FBXO15: variants seen among roughly 807,000 people sequenced by gnomAD.
FBXO15 encodes the protein F-box only protein 15.
A neutral mutation model predicts 49.5 loss-of-function variants in FBXO15; 30 were observed. That is an observed-to-expected ratio of 0.61 (90% confidence interval 0.45 to 0.82). The LOEUF is 0.82. FBXO15 is among the 40% of genes least tolerant of loss of function. The probability of loss-of-function intolerance (pLI) is 0.00; values close to 1 mark genes in which losing one functional copy is unlikely to be tolerated. For synonymous variants in FBXO15, 250 were observed against 232.7 expected, an observed-to-expected ratio of 1.07 and a Z score of -0.68; for missense variants, 591 against 631.5, an observed-to-expected ratio of 0.94 and a Z score of 0.69.
At chr18:74,097,101 AG>A (rs889014883) in intron 8 of FBXO15, 4 of 152,248 alleles carry the variant, frequency 2.6e-5, no homozygotes, top group African/African-American at 9.6e-5. Flanking sequence ...TGGATCCACA[AG>A]GAAGCCATTT....
chr18:74,144,751 G>A (rs888269515), intron 1 of FBXO15, among the ~76,000 whole-genome samples: 1 of 151,784 alleles, frequency 6.6e-6, no homozygotes, highest in Non-Finnish European at 1.5e-5. Context: ...TGCAGACAAA[G>A]AAGATGCTCT....
At chr18:74,115,794 T>C (rs1487713864) in intron 8 of FBXO15, among the ~76,000 whole-genome samples, 1 of 152,230 alleles carries the variant, frequency 6.6e-6, no homozygotes, top group Admixed American at 6.5e-5. Context: ...CTAAGATTTA[T>C]TAAAATATGA....
At chr18:74,121,199 T>G (rs978795283) in intron 8 of FBXO15, among the ~76,000 whole-genome samples, 1 of 152,148 alleles carries the variant, frequency 6.6e-6, no homozygotes, top group Admixed American at 6.6e-5. Context: ...TAAAGAAAGG[T>G]CCAGGCTTGG....
rs749880622 is a variant in FBXO15, at chr18:74,073,620, G to A, written c.1374C>T (p.Ser458=). 62 of 1,614,096 alleles carry A rather than the reference G, an allele frequency of 3.8e-5. No homozygotes were observed. In the Admixed American group the frequency reaches 1.0e-3, roughly 26 times the overall value. Residue 458 remains serine, a synonymous_variant, in exon 10 of 10, where the codon AGC becomes AGT. Coordinates refer to ENST00000419743, the MANE Select transcript of FBXO15 (RefSeq NM_001142958.2). ...RSPATPSDSS[S]FLGQTYNVDY... is the part of the protein sequence containing the mutation. ...CCACGTTGTATGTCTGTCCCAAGAAGCTAGAGCTGTCAGAGGGTGTGGCAG... is the reference window on the plus strand; with the variant it reads ...CCACGTTGTATGTCTGTCCCAAGAAACTAGAGCTGTCAGAGGGTGTGGCAG...
Position 74,075,173 on chromosome 18 carries a change from A to G in FBXO15, c.1264-1443T>C, listed in dbSNP as rs552925353. Among the ~76,000 whole-genome samples the G allele has an allele frequency of 2.6e-5, 4 of 151,882 alleles. No homozygotes were observed. Among genetic ancestry groups the G allele is most frequent in the Admixed American group, 2.6e-4 (4 of 15,252 alleles). On this transcript the variant is annotated intron_variant, in intron 9 of 9. Coordinates refer to ENST00000419743, the MANE Select transcript of FBXO15 (RefSeq NM_001142958.2). The surrounding 1 kb of genome is among the most constrained non-coding windows in gnomAD (Gnocchi z 4.1). Reference sequence around the variant, plus strand: ...CTCCCTCTCCGCCTCATGGAACAACACCTCATCCCCTCCCTCAGCCCTCTG... The same window carrying G: ...CTCCCTCTCCGCCTCATGGAACAACGCCTCATCCCCTCCCTCAGCCCTCTG...
At chr18:74,106,888 C>A (rs1033249082) in intron 8 of FBXO15, among the ~76,000 whole-genome samples, 1 of 151,924 alleles carries the variant, frequency 6.6e-6, no homozygotes, top group African/African-American at 2.4e-5. Flanking sequence ...AAAACCCAAA[C>A]AATGGAATAT....
chr18:74,118,929 T>TC lies in FBXO15; in HGVS notation c.1138+4438_1138+4439insG, dbSNP rs1474420523. ...CTTTAGAAGGGGAACTCTGATGCCC[T>TC]TCCTCTGGGTTGTAAGAGAAAAGGA... On this transcript the variant is annotated intron_variant, in intron 8 of 9. Coordinates refer to ENST00000419743, the MANE Select transcript of FBXO15 (RefSeq NM_001142958.2). 5.9e-5 allele frequency among the ~76,000 whole-genome samples: 9 copies of TC among 152,340 alleles called. No homozygotes were observed. The East Asian group carries it at 1.7e-3, about 29-fold the overall frequency.
intron 8 of FBXO15, among the ~76,000 whole-genome samples, chr18:74,089,804 CTA>C (rs1164410147): frequency 1.1e-4 from 16 of 152,186 alleles, no homozygotes; most frequent in African/African-American, 3.9e-4. Flanking sequence ...TGATGTGCTG[CTA>C]TATTCAGTTT....
chr18:74,140,233 A>T lies in FBXO15; in HGVS notation c.196T>A (p.Ser66Thr). 6.4e-7 allele frequency: 1 copy of T among 1,551,464 alleles called. No homozygotes were observed. Among genetic ancestry groups the T allele is most frequent in the Non-Finnish European group, 8.7e-7 (1 of 1,146,940 alleles). Residue 66 changes from serine (S) to threonine (T), a missense_variant, in exon 2 of 10, where the codon TCT (serine) becomes ACT (threonine). Transcript: ENST00000419743. ...HAGGGQHWES[S>T]FSCCSGFLDG... ...AGGAACCCAGAACAGCAGGAGAAAG[A>T]GCTCTCCCAGTGCTGTCCACCTCCG...
intron 2 of FBXO15, 72 bp from the exon 3 acceptor site, chr18:74,135,938 A>C (rs1978693033): frequency 1.6e-6 from 2 of 1,235,664 alleles, no homozygotes; most frequent in Non-Finnish European, 2.3e-6. Flanking sequence ...TACCCAGAAA[A>C]CAACTGGCTG....
chr18:74,082,050 T>A lies in FBXO15; in HGVS notation c.1140A>T (p.Gly380=), dbSNP rs973816120. The A allele has an allele frequency of 4.3e-6, 7 of 1,610,526 alleles. No individual in the cohort carries two copies. The highest frequency in any genetic ancestry group is 5.9e-6 in the Non-Finnish European group (7 of 1,179,036). The change falls in exon 9 of 10, where the codon GGA becomes GGT. Residue 380 remains glycine (G), a splice_region_variant and synonymous_variant. Coordinates refer to ENST00000419743, the MANE Select transcript of FBXO15 (RefSeq NM_001142958.2). The part of the protein sequence containing the change: ...GTFRNLFTKR[G]NIENGHVKLI... ...GCTTCACATGTCCATTTTCAATATT[T>A]CCTGAAAAGATATAAGATTGTTTCA...
Position 74,130,487 on chromosome 18 carries a change from G to A in FBXO15, c.504C>T (p.Ala168=), listed in dbSNP as rs376695985. 131 of 1,614,114 alleles carry A rather than the reference G, an allele frequency of 8.1e-5. No homozygotes were observed. Among genetic ancestry groups the A allele is most frequent in the Non-Finnish European group, 1.1e-4 (125 of 1,179,998 alleles). Residue 168 remains alanine, a synonymous_variant, in exon 4 of 10, where the codon GCC becomes GCT. Coordinates refer to ENST00000419743, the MANE Select transcript of FBXO15 (RefSeq NM_001142958.2). ...CAGGTTTGAGAATGTCAGCTAGTGC[G>A]GCTTTTACAGATGCTATTTGTTTTG... The part of the protein sequence containing the change: ...YITKQIASVK[A]ALADILKPVN...
intron 4 of FBXO15, 42 bp downstream of exon 4, chr18:74,130,374 T>C (rs1217805175): frequency 5.0e-6 from 8 of 1,610,238 alleles, no homozygotes; most frequent in Non-Finnish European, 6.8e-6. Context: ...ACACGATACT[T>C]TGAGCTGATG....
chr18:74,089,630 T>C (rs1355836931), intron 8 of FBXO15, among the ~76,000 whole-genome samples: 3 of 152,290 alleles, frequency 2.0e-5, no homozygotes, highest in South Asian at 4.1e-4. Flanking sequence ...TATCATGAAG[T>C]GATGTTGAAT....
intron 2 of FBXO15, among the ~76,000 whole-genome samples, chr18:74,139,373 T>C (rs1978922631): frequency 6.6e-6 from 1 of 152,218 alleles, no homozygotes; most frequent in East Asian, 1.9e-4. Flanking sequence ...CAAAGGAATA[T>C]TTGCTCCATT....
In FBXO15 at chr18:74,073,422, A is replaced by C. The variant is rs1181573730; in HGVS notation, c.*39T>G. The C allele has an allele frequency of 1.3e-6, 2 of 1,589,826 alleles. No individual in the cohort carries two copies. Among genetic ancestry groups the C allele is most frequent in the East Asian group, 4.5e-5 (2 of 44,610 alleles). On this transcript the variant is annotated 3_prime_UTR_variant, in exon 10 of 10. Transcript: ENST00000419743. ...ACACCAAGAACAAAGCCAGTCAAAAATAAACAACTAAATAACAACAATAAT... is the reference window on the plus strand; with the variant it reads ...ACACCAAGAACAAAGCCAGTCAAAACTAAACAACTAAATAACAACAATAAT...
At chr18:74,097,808 C>T (rs1424326753) in intron 8 of FBXO15, 1 of 152,272 alleles carries the variant, frequency 6.6e-6, no homozygotes, top group Non-Finnish European at 1.5e-5. Context: ...CCAACTAGCA[C>T]AAAAATAGTG....
chr18:74,136,300 G>A (rs1978718245), intron 2 of FBXO15, among the ~76,000 whole-genome samples: 1 of 152,116 alleles, frequency 6.6e-6, no homozygotes, highest in Admixed American at 6.5e-5. Context: ...TCCCGCCTCA[G>A]CCTCCCCAGC....
At chr18:74,102,110 T>C (rs1599151808) in intron 8 of FBXO15, among the ~76,000 whole-genome samples, 1 of 151,894 alleles carries the variant, frequency 6.6e-6, no homozygotes, top group African/African-American at 2.4e-5. Context: ...TAAAGATAAA[T>C]AGCTGGGACT....
Sources: allele counts gnomAD v4.1 joint callset (sites outside exome capture counted in the v4.1 genomes callset), GRCh38; gene constraint gnomAD v4.1.1; non-coding constraint Gnocchi (gnomAD v3.1); transcripts MANE v1.5; gene names NCBI Gene and HGNC (gene_info 2026-07-23, HGNC 2026-07-21).